The following LARGE1 variants were observed in gnomAD, a reference collection of about 807,000 sequenced individuals.
LARGE1 encodes the protein LARGE xylosyl- and glucuronyltransferase 1.
LARGE1 carries 43 observed loss-of-function variants against 87.6 expected under a neutral mutation model. That is an observed-to-expected ratio of 0.49 (90% CI 0.38 to 0.63). The LOEUF is 0.63. LARGE1 is among the 30% of genes least tolerant of loss of function. The pLI is 0.00. For missense variants in LARGE1, 802 were observed against 1,000.2 expected (o/e 0.80, Z 2.67); for synonymous variants, 434 against 394.6 (o/e 1.10, Z -1.18).
Position 33,238,869 on chromosome 22 carries a change from A to C in LARGE1, c.1730+65360T>G, listed in dbSNP as rs566795385. ...TAGCCTTAAATTCATATATTGAGAAATAAGGAACACTGAAAATAATTTAGG... is the reference window on the plus strand; with the variant it reads ...TAGCCTTAAATTCATATATTGAGAACTAAGGAACACTGAAAATAATTTAGG... On this transcript the variant is annotated intron_variant, in intron 11 of 11. Transcript: ENST00000608642. Among the ~76,000 whole-genome samples, 293 of 152,336 alleles carry C rather than the reference A, an allele frequency of 1.9e-3. 2 individuals carry two copies. Among genetic ancestry groups the C allele is most frequent in the African/African-American group, 6.8e-3 (284 of 41,588 alleles).
chr22:33,177,122 A>G (rs886673153), intron 11 of LARGE1, among the ~76,000 whole-genome samples: 9 of 152,166 alleles, frequency 5.9e-5, no homozygotes, highest in Admixed American at 3.3e-4. Flanking sequence ...ACACACGGAC[A>G]CAGGGAGAGG....
intron 1 of LARGE1, among the ~76,000 whole-genome samples, chr22:33,792,766 T>C (rs1447593465): frequency 6.6e-6 from 1 of 152,196 alleles, no homozygotes; most frequent in Admixed American, 6.5e-5. Flanking sequence ...CCTCACCTAG[T>C]AGCATCCACA....
intron 5 of LARGE1, among the ~76,000 whole-genome samples, chr22:33,600,006 A>T (rs1288687029): frequency 1.3e-5 from 2 of 152,132 alleles, no homozygotes; most frequent in East Asian, 3.9e-4. Flanking sequence ...TTGCTGCCTT[A>T]TCTATGCGAC....
intron 6 of LARGE1, among the ~76,000 whole-genome samples, chr22:33,433,544 C>A (rs539343233): frequency 6.9e-6 from 1 of 145,076 alleles, no homozygotes; most frequent in South Asian, 2.2e-4. Context: ...TGCAGTGAGC[C>A]GAGATCGCAC....
intron 9 of LARGE1, among the ~76,000 whole-genome samples, chr22:33,359,171 T>C (rs187892178): frequency 6.6e-6 from 1 of 152,202 alleles, no homozygotes; most frequent in African/African-American, 2.4e-5. Context: ...AGTCATTATG[T>C]TATATATCAT....
intron 2 of LARGE1, among the ~76,000 whole-genome samples, chr22:33,760,736 A>G (rs2084697557): frequency 6.6e-6 from 1 of 152,206 alleles, no homozygotes; most frequent in African/African-American, 2.4e-5. Flanking sequence ...CCTGGCCAAC[A>G]TGGTGAAACC....
At chr22:33,789,712 A>G (rs997290169) in intron 1 of LARGE1, among the ~76,000 whole-genome samples, 3 of 152,244 alleles carry the variant, frequency 2.0e-5, no homozygotes, top group Non-Finnish European at 4.4e-5. Flanking sequence ...CGGAGCTTTA[A>G]GATTTAACTG....
chr22:33,845,008 G>A (rs1463463561), intron 1 of LARGE1, among the ~76,000 whole-genome samples: 3 of 151,896 alleles, frequency 2.0e-5, no homozygotes, highest in Admixed American at 2.0e-4. Flanking sequence ...GTGAGCTACC[G>A]CGCCTGGCCT....
At chr22:33,659,265 A>C (rs2081055502) in intron 2 of LARGE1, among the ~76,000 whole-genome samples, 1 of 152,214 alleles carries the variant, frequency 6.6e-6, no homozygotes, top group Admixed American at 6.5e-5. Context: ...TTTGTTAGAA[A>C]ATGCCCTCCT....
intron 5 of LARGE1, among the ~76,000 whole-genome samples, chr22:33,568,766 C>CAAAAAAAAAAAAA (rs57651807): frequency 1.4e-4 from 13 of 92,760 alleles, no homozygotes; most frequent in Non-Finnish European, 2.4e-4. Context: ...AACTCAGTCT[C>CAAAAAAAAAAAAA]AAAAAAAAAA....
At chr22:33,237,735 G>A (rs1926322731) in intron 11 of LARGE1, among the ~76,000 whole-genome samples, 1 of 152,198 alleles carries the variant, frequency 6.6e-6, no homozygotes, top group Admixed American at 6.5e-5. Context: ...AGGCAGGTGT[G>A]GGTTCCATCC....
the LARGE1 span, among the ~76,000 whole-genome samples, chr22:33,122,671 T>A: frequency 6.6e-6 from 1 of 152,164 alleles, no homozygotes; most frequent in Non-Finnish European, 1.5e-5. Flanking sequence ...TTTTGTTTTT[T>A]TCTATGGCAA....
chr22:33,280,529 A>T (rs1470047093), intron 13 of LARGE1, among the ~76,000 whole-genome samples: 1 of 152,142 alleles, frequency 6.6e-6, no homozygotes, highest in African/African-American at 2.4e-5. Context: ...ATTGCACTCC[A>T]TTGTAGGGAC....
downstream of LARGE1, among the ~76,000 whole-genome samples, chr22:33,271,554 G>A (rs1226753027): frequency 6.6e-6 from 1 of 152,222 alleles, no homozygotes; most frequent in East Asian, 1.9e-4. Flanking sequence ...TCAACTGAAA[G>A]CCAAGATTAG....
chr22:33,384,516 T>G (rs1401359060), intron 7 of LARGE1, among the ~76,000 whole-genome samples: 1 of 125,118 alleles, frequency 8.0e-6, no homozygotes, highest in Non-Finnish European at 1.9e-5. Context: ...CGAATACACC[T>G]GGGTTCAAGC....
At chr22:33,668,834 C>T (rs2081333866) in intron 2 of LARGE1, among the ~76,000 whole-genome samples, 1 of 152,198 alleles carries the variant, frequency 6.6e-6, no homozygotes, top group Admixed American at 6.5e-5. Context: ...CATTTAGCTG[C>T]TTCTTCTCAC....
chr22:33,682,746 T>C (rs1193668034), intron 2 of LARGE1, among the ~76,000 whole-genome samples: 1 of 152,190 alleles, frequency 6.6e-6, no homozygotes, highest in Non-Finnish European at 1.5e-5. Context: ...GGTACAAATA[T>C]GTTTGCAAGT....
chr22:33,842,141 T>C (rs781147810), intron 1 of LARGE1, among the ~76,000 whole-genome samples: 5 of 152,212 alleles, frequency 3.3e-5, no homozygotes, highest in Non-Finnish European at 5.9e-5. Context: ...CAGAACACTG[T>C]ACTCAAAAGT....
At chr22:33,247,600 T>G (rs1183044710) in intron 11 of LARGE1, among the ~76,000 whole-genome samples, 3 of 152,258 alleles carry the variant, frequency 2.0e-5, no homozygotes, top group Non-Finnish European at 4.4e-5. Flanking sequence ...ACGTTGCATG[T>G]TCTGTGTTTA....
Sources: allele counts gnomAD v4.1 joint callset (sites outside exome capture counted in the v4.1 genomes callset), GRCh38; gene constraint gnomAD v4.1.1; transcripts MANE v1.5; gene names NCBI Gene and HGNC (gene_info 2026-07-23, HGNC 2026-07-21).